Variants in WASHC2C observed in about 807,000 individuals in gnomAD.
WASHC2C encodes Vaccinia Penetration Factor.
A neutral mutation model predicts 142.2 loss-of-function variants in WASHC2C; 73 were observed. The observed-to-expected ratio is 0.51, with a 90% CI of 0.43 to 0.62. WASHC2C has a LOEUF of 0.62. Ranked by LOEUF, WASHC2C falls within the 20% of genes least tolerant of loss-of-function variation. The pLI is 0.00. For synonymous variants in WASHC2C, 337 were observed against 565.5 expected (o/e 0.60, Z 5.73); for missense variants, 969 against 1,531.7 (o/e 0.63, Z 6.13).
rs556945420 is a variant in WASHC2C at position 45,776,948 on chromosome 10, A to G, written c.2143-325A>G. The stretch of plus-strand genomic sequence containing the variant: ...CGCTGGATAATGTCTTCTAGTTGAA[A>G]TATAAGAGGAGTGAGGCAGAGAGAG... On this transcript the variant is annotated intron_variant, in intron 21 of 30. Transcript: ENST00000623400. 2.9e-4 allele frequency among the ~76,000 whole-genome samples: 44 copies of G among 149,546 alleles called. 1 individual carries two copies. Among genetic ancestry groups the G allele is most frequent in the Middle Eastern group, 3.4e-3 (1 of 292 alleles).
chr10:45,773,090 A>G (rs1218005806), intron 20 of WASHC2C, among the ~76,000 whole-genome samples, 166 bp from the exon 21 acceptor site: 6 of 142,558 alleles, frequency 4.2e-5, no homozygotes, highest in Non-Finnish European at 9.1e-5. Context: ...ATCTATTTCA[A>G]AGGTCTTTCC....
chr10:45,784,283 T>TACACACAC (rs1284999333), intron 23 of WASHC2C, among the ~76,000 whole-genome samples: 5 of 8,090 alleles, frequency 6.2e-4, no homozygotes, highest in African/African-American at 1.3e-3. Context: ...TATATATATA[T>TACACACAC]ATATATACAC....
intron 11 of WASHC2C, among the ~76,000 whole-genome samples, chr10:45,752,069 A>C (rs1186177377): frequency 6.6e-6 from 1 of 152,212 alleles, no homozygotes; most frequent in African/African-American, 2.4e-5. Flanking sequence ...TTGATTTATT[A>C]GATTTTACAG....
At chr10:45,727,394 T>C in intron 1 of WASHC2C, 23 bp from the exon 2 acceptor site, 1 of 1,610,512 alleles carries the variant, frequency 6.2e-7, no homozygotes, top group Non-Finnish European at 8.5e-7. Context: ...GCTCAGCCTC[T>C]CTTCTCGTTT....
chr10:45,747,085 T>A (rs1554871442), intron 8 of WASHC2C, among the ~76,000 whole-genome samples: 1 of 152,244 alleles, frequency 6.6e-6, no homozygotes, highest in African/African-American at 2.4e-5. Flanking sequence ...TTTCATAGTG[T>A]GCATCGTTCA....
intron 8 of WASHC2C, among the ~76,000 whole-genome samples, chr10:45,749,478 T>C (rs2053265305): frequency 6.6e-6 from 1 of 151,366 alleles, no homozygotes; most frequent in Non-Finnish European, 1.5e-5. Flanking sequence ...ACAGCCATTT[T>C]TGATATTTTA....
In WASHC2C at chr10:45,743,475, C is replaced by G. The variant is rs2052402187; in HGVS notation, c.614C>G (p.Ser205Cys). ...EQEDVGLGELSSEEGSVGSDR... is the reference protein window; with the variant it reads ...EQEDVGLGELCSEEGSVGSDR... The stretch of plus-strand genomic sequence containing the variant: ...GAAGATGTAGGTCTTGGAGAGCTGT[C>G]CAGTGAAGGTACTTTTCTTCACCAA... Residue 205 changes from serine to cysteine, a missense_variant, in exon 6 of 31, where the codon TCC becomes TGC. By Grantham distance (112) the Ser-to-Cys change is moderately radical. Transcript: ENST00000623400. 6.2e-7 allele frequency: 1 copy of G among 1,611,664 alleles called. No individual in the cohort carries two copies. The highest frequency in any genetic ancestry group is 8.5e-7 in the Non-Finnish European group (1 of 1,179,772).
upstream of WASHC2C, chr10:45,727,060 G>T (rs557437138): frequency 1.2e-4 from 151 of 1,219,156 alleles, 2 homozygotes; most frequent in South Asian, 2.2e-3. Flanking sequence ...CCTCTGCAGC[G>T]TTCCTGGCGT....
intron 16 of WASHC2C, among the ~76,000 whole-genome samples, chr10:45,758,021 T>A (rs1294538012): frequency 1.3e-5 from 2 of 152,270 alleles, no homozygotes. Flanking sequence ...CATTTGGTTG[T>A]CATGTCTCTT....
chr10:45,780,994 TC>T (rs2057460979), intron 23 of WASHC2C, among the ~76,000 whole-genome samples: 1 of 151,626 alleles, frequency 6.6e-6, no homozygotes, highest in Non-Finnish European at 1.5e-5. Context: ...CCTCAGGTGA[TC>T]CACCTGCCTT....
At chr10:45,779,970 C>T (rs1459428912) in intron 23 of WASHC2C, among the ~76,000 whole-genome samples, 23 of 144,662 alleles carry the variant, frequency 1.6e-4, no homozygotes, top group South Asian at 2.1e-4. Context: ...GGCAACAGAA[C>T]GAGACTCCAT....
intron 2 of WASHC2C, among the ~76,000 whole-genome samples, chr10:45,728,297 T>A (rs1447980623): frequency 6.6e-6 from 1 of 152,206 alleles, no homozygotes; most frequent in African/African-American, 2.4e-5. Context: ...CCCAAAGTGT[T>A]GGATTACAAG....
intron 30 of WASHC2C, among the ~76,000 whole-genome samples, chr10:45,791,476 G>A (rs1334264517): frequency 6.8e-6 from 1 of 146,672 alleles, no homozygotes; most frequent in Non-Finnish European, 1.5e-5. Flanking sequence ...TTTTTAAAAA[G>A]TAAGAATATA....
intron 21 of WASHC2C, among the ~76,000 whole-genome samples, chr10:45,773,925 C>T (rs1263444332): frequency 1.6e-5 from 2 of 124,228 alleles, no homozygotes; most frequent in Non-Finnish European, 3.4e-5. Flanking sequence ...AGCGTAAACA[C>T]GTAAACATGG....
chr10:45,738,571 T>C (rs1402682099), intron 4 of WASHC2C, among the ~76,000 whole-genome samples: 5 of 152,110 alleles, frequency 3.3e-5, no homozygotes, highest in Non-Finnish European at 5.9e-5. Flanking sequence ...CCTGTAAAGG[T>C]TGGCCCTTTG....
intron 23 of WASHC2C, among the ~76,000 whole-genome samples, chr10:45,782,367 G>A (rs1461718135): frequency 6.9e-6 from 1 of 145,144 alleles, no homozygotes. Flanking sequence ...GATATAGAAA[G>A]ATGCTCAGCA....
intron 3 of WASHC2C, among the ~76,000 whole-genome samples, chr10:45,732,497 G>A (rs1355485891): frequency 2.6e-5 from 4 of 152,132 alleles, no homozygotes; most frequent in Non-Finnish European, 5.9e-5. Flanking sequence ...AATAGCAAGT[G>A]CCATAGTTAA....
intron 11 of WASHC2C, among the ~76,000 whole-genome samples, chr10:45,752,251 T>A (rs1328631336): frequency 1.3e-5 from 2 of 152,244 alleles, no homozygotes; most frequent in African/African-American, 4.8e-5. Flanking sequence ...TGCCCTTCCT[T>A]CCCCCAGATT....
chr10:45,750,642 T>A, intron 9 of WASHC2C, 109 bp from the exon 10 acceptor site: 1 of 1,151,092 alleles, frequency 8.7e-7, no homozygotes, highest in Non-Finnish European at 1.3e-6. Context: ...CTCTGTTTTC[T>A]CCTCAGTTCA....
Sources: allele counts gnomAD v4.1 joint callset (sites outside exome capture counted in the v4.1 genomes callset), GRCh38; gene constraint gnomAD v4.1.1; transcripts MANE v1.5; gene names NCBI Gene and HGNC (gene_info 2026-07-23, HGNC 2026-07-21).